MAP4K2: variants seen among roughly 807,000 people sequenced by gnomAD.
The protein encoded by MAP4K2 is B lymphocyte serine/threonine protein kinase.
MAP4K2 carries 85 observed loss-of-function variants against 125.3 expected under a neutral mutation model. That is an observed-to-expected ratio of 0.68 (90% CI 0.57 to 0.81). The LOEUF (loss-of-function observed/expected upper bound fraction) is 0.81, where lower values mean the gene tolerates loss of function less well. Ranked by LOEUF, MAP4K2 falls within the 40% of genes least tolerant of loss-of-function variation. MAP4K2 has a pLI of 0.00. For missense variants in MAP4K2, 923 were observed against 1,056.4 expected (o/e 0.87, Z 1.75); for synonymous variants, 479 against 445.1 (o/e 1.08, Z -0.96).
intron 7 of MAP4K2, 54 bp downstream of exon 7, chr11:64,801,525 A>C: frequency 8.1e-6 from 13 of 1,598,612 alleles, no homozygotes; most frequent in Non-Finnish European, 1.1e-5. Context: ...AGTCCAGGGT[A>C]GCCGGGGAGG....
At chr11:64,793,965 G>A (rs1036945291) in intron 24 of MAP4K2, among the ~76,000 whole-genome samples, 1 of 152,148 alleles carries the variant, frequency 6.6e-6, no homozygotes, top group Non-Finnish European at 1.5e-5. Flanking sequence ...GAGTGAGCAC[G>A]TTGCAGGAAG....
chr11:64,790,409 G>C lies in MAP4K2; in HGVS notation c.2146C>G (p.Leu716Val), dbSNP rs758137477. The stretch of plus-strand genomic sequence containing the variant: ...GGGCACTCACGTTCAAAGCTGACTA[G>C]GATTGTGTCCCTGTCCACCTGGATC... ...QVIQVDRDTI[L>V]VSFERCVRIV... The change falls in exon 28 of 32, where the codon CTA becomes GTA. Residue 716 changes from leucine (L) to valine (V), a missense_variant. Around this residue, in one of 2 missense-constraint regions of MAP4K2, gnomAD observed 90 missense variants for 144.9 expected, o/e 0.62. Transcript: ENST00000294066. The C allele has an allele frequency of 6.2e-7, 1 of 1,614,148 alleles. No homozygotes were observed. The highest frequency in any genetic ancestry group is 8.5e-7 in the Non-Finnish European group (1 of 1,180,022).
rs1282398768 is a variant in MAP4K2 at position 64,800,218 on chromosome 11, T to C, written c.808-2A>G. 2.5e-6 allele frequency: 4 copies of C among 1,612,908 alleles called. No homozygotes were observed. The highest frequency in any genetic ancestry group is 3.4e-6 in the Non-Finnish European group (4 of 1,179,838). On this transcript the variant is annotated splice_acceptor_variant, in intron 11 of 31. Transcript: ENST00000294066. LOFTEE classifies it high-confidence loss of function. ...GAGCTGCTGAGTCGTGAACGGGTGCTGGAAAGTGGGGGAGGGGGGTGATCA... is the reference window on the plus strand; with the variant it reads ...GAGCTGCTGAGTCGTGAACGGGTGCCGGAAAGTGGGGGAGGGGGGTGATCA...
intron 24 of MAP4K2, among the ~76,000 whole-genome samples, chr11:64,793,894 G>A (rs1263629130): frequency 6.6e-6 from 1 of 152,210 alleles, no homozygotes; most frequent in Non-Finnish European, 1.5e-5. Context: ...CGCCAAAGCA[G>A]ACTCACTTGG....
intron 27 of MAP4K2, 26 bp from the exon 28 acceptor site, chr11:64,790,488 C>T (rs1294731337): frequency 5.6e-6 from 9 of 1,609,810 alleles, no homozygotes; most frequent in South Asian, 3.3e-5. Flanking sequence ...AGAGACATGG[C>T]CTGGCTGAGC....
chr11:64,787,105 C>G lies in MAP4K2; in HGVS notation c.*2432G>C, dbSNP rs1379214755. 2 of 150,152 alleles carry G rather than the reference C, an allele frequency of 1.3e-5. No homozygotes were observed. The highest frequency in any genetic ancestry group is 2.9e-5 in the Non-Finnish European group (2 of 67,828). 9.3% of individuals were successfully genotyped at this position (150,152 alleles called of 1,614,324 possible). On this transcript the variant is annotated 3_prime_UTR_variant, in exon 32 of 32. Transcript: ENST00000294066. ...AGTGCAGTGGCATGTTCTAGGCTCACTGCAACCTCCGCCTCCCAGGTTCAA... is the reference window on the plus strand; with the variant it reads ...AGTGCAGTGGCATGTTCTAGGCTCAGTGCAACCTCCGCCTCCCAGGTTCAA...
intron 11 of MAP4K2, 46 bp downstream of exon 11, chr11:64,800,265 C>G: frequency 6.2e-7 from 1 of 1,612,954 alleles, no homozygotes; most frequent in South Asian, 1.1e-5. Flanking sequence ...GATCCAGGGC[C>G]CTGCTTTTGA....
At position 64,789,869 on chromosome 11, in the gene MAP4K2, G is replaced by C; in HGVS notation, c.2319+20C>G. ...GGGACCACAAGGCAGGGGACAGCAA[G>C]GTCCCTGGGCCCCACTCACCTCATT... is the stretch of plus-strand genomic sequence containing the variant. On this transcript the variant is annotated intron_variant, in intron 30 of 31. Coordinates refer to ENST00000294066, the MANE Select transcript of MAP4K2 (RefSeq NM_004579.5). The C allele has an allele frequency of 6.2e-7, 1 of 1,613,996 alleles. No homozygotes were observed. The highest frequency in any genetic ancestry group is 8.5e-7 in the Non-Finnish European group (1 of 1,179,966).
rs17854520 is a variant in MAP4K2, at chr11:64,792,268, G to T, written c.1818C>A (p.Asn606Lys). The change falls in exon 26 of 32, where the codon AAC becomes AAA. Residue 606 changes from asparagine (N) to lysine (K), a missense_variant. By Grantham distance (94) the Asn-to-Lys change is moderately conservative. Coordinates refer to ENST00000294066, the MANE Select transcript of MAP4K2 (RefSeq NM_004579.5). Reference protein sequence around the residue: ...KGCLQCRVVRNPYTGATFLLA... With the variant: ...KGCLQCRVVRKPYTGATFLLA... ...GCAGGAAGGTGGCACCCGTGTAGGG[G>T]TTCCGCACTGGCAGGGGAGCAGGCA... 6.2e-7 allele frequency: 1 copy of T among 1,609,674 alleles called. No individual in the cohort carries two copies. Among genetic ancestry groups the T allele is most frequent in the Non-Finnish European group, 8.5e-7 (1 of 1,178,732 alleles).
chr11:64,802,967 G>A (rs556781886), intron 1 of MAP4K2, 25 bp from the exon 2 acceptor site: 309 of 1,554,124 alleles, frequency 2.0e-4, no homozygotes, highest in East Asian at 8.1e-4. Context: ...GGTGAAGCGG[G>A]ATGGGGGGCG....
At position 64,797,069 on chromosome 11, in the gene MAP4K2, G is replaced by A. The variant is rs71456325; in HGVS notation, c.1365+35C>T. The A allele has an allele frequency of 5.8e-3, 9,303 of 1,614,060 alleles. 41 individuals carry two copies. The highest frequency in any genetic ancestry group is 6.8e-3 in the Non-Finnish European group (8,015 of 1,179,978). On this transcript the variant is annotated intron_variant, in intron 19 of 31. Transcript: ENST00000294066. The stretch of plus-strand genomic sequence containing the variant: ...CAGGGCTGATATGACAGCTGTAGCC[G>A]CCCGTCTCCCCACCCCACTGTAGCA...
chr11:64,799,379 C>T, intron 14 of MAP4K2, 42 bp downstream of exon 14: 1 of 1,605,234 alleles, frequency 6.2e-7, no homozygotes, highest in Non-Finnish European at 8.5e-7. Flanking sequence ...CTCCCTGCCC[C>T]ACCTCTGGGC....
At chr11:64,794,626 G>T (rs574263930) in intron 24 of MAP4K2, among the ~76,000 whole-genome samples, 1 of 152,036 alleles carries the variant, frequency 6.6e-6, no homozygotes. Context: ...CCCAAAGTGC[G>T]GGATTACAGG....
rs1055889128 is a variant in MAP4K2, at chr11:64,787,025, T to A, written c.*2512A>T. The A allele has an allele frequency of 1.9e-5, 2 of 102,714 alleles. No homozygotes were observed. Among genetic ancestry groups the A allele is most frequent in the Non-Finnish European group, 1.9e-5 (1 of 53,524 alleles). 6.4% of individuals were successfully genotyped at this position (102,714 alleles called of 1,614,324 possible). ...CATATTCTCCAGGATATATATATAT[T>A]TTTTTCTCTTTTTTTTTTTTTTGAG... is the stretch of plus-strand genomic sequence containing the variant. On this transcript the variant is annotated 3_prime_UTR_variant, in exon 32 of 32. Coordinates refer to ENST00000294066, the MANE Select transcript of MAP4K2 (RefSeq NM_004579.5).
At chr11:64,796,118 TGG>T (rs1471836374) in intron 24 of MAP4K2, among the ~76,000 whole-genome samples, 153 bp downstream of exon 24, 1 of 151,496 alleles carries the variant, frequency 6.6e-6, no homozygotes, top group East Asian at 1.9e-4. Context: ...CGGGAGGGGG[TGG>T]GAAGGCCATC....
Position 64,791,621 on chromosome 11 carries a change from T to C in MAP4K2, c.2092+288A>G, listed in dbSNP as rs572917506. ...CATGAGCTCAAGCCCCTCTCTCTCC[T>C]TGGCCTCCCAAAATGCTGGGATTAC... On this transcript the variant is annotated intron_variant, in intron 27 of 31. Coordinates refer to ENST00000294066, the MANE Select transcript of MAP4K2 (RefSeq NM_004579.5). Among the ~76,000 whole-genome samples, 4 of 152,352 alleles carry C rather than the reference T, an allele frequency of 2.6e-5. No homozygotes were observed. In the South Asian group the frequency reaches 8.3e-4, roughly 32 times the overall value.
chr11:64,796,170 C>G, intron 24 of MAP4K2, 103 bp downstream of exon 24: 1 of 1,063,856 alleles, frequency 9.4e-7, no homozygotes, highest in Non-Finnish European at 1.3e-6. Context: ...CTCAGAGAGA[C>G]AACACGTCTA....
At position 64,789,912 on chromosome 11, in the gene MAP4K2, C is replaced by T; in HGVS notation, c.2296G>A (p.Gly766Ser). Residue 766 changes from glycine (G) to serine (S), a missense_variant, in exon 30 of 32, where the codon GGC becomes AGC. Physicochemically the swap from Gly to Ser is moderately conservative, Grantham distance 56 (BLOSUM62 0). Transcript: ENST00000294066. Reference protein sequence around the residue: ...VLAFWSHGMQGRSLDTNEVTQ... With the variant: ...VLAFWSHGMQSRSLDTNEVTQ... ...ACCTCATTGGTATCCAGGCTTCGGC[C>T]TTGCATCCCATGGCTCCAGAAGGCC... 1 of 1,613,942 alleles carries T rather than the reference C, an allele frequency of 6.2e-7. No individual in the cohort carries two copies. The highest frequency in any genetic ancestry group is 1.1e-5 in the South Asian group (1 of 91,088).
chr11:64,803,201 G>T lies in MAP4K2; in HGVS notation c.-52C>A. The T allele has an allele frequency of 1.4e-6, 1 of 713,588 alleles. No homozygotes were observed. Among genetic ancestry groups the T allele is most frequent in the Non-Finnish European group, 1.7e-6 (1 of 584,734 alleles). 44.2% of individuals were successfully genotyped at this position (713,588 alleles called of 1,614,324 possible). A position where few individuals can be genotyped will look rare whatever the true frequency, so the allele number is the denominator to read the frequency against. On this transcript the variant is annotated 5_prime_UTR_variant, in exon 1 of 32. Coordinates refer to ENST00000294066, the MANE Select transcript of MAP4K2 (RefSeq NM_004579.5). ...CGGGCGGGCGCGAGCTGCGGAGCCG[G>T]CGCGGGGCGGCGCGGGGCGGGGCGG...
Sources: gnomAD v4.1 joint callset for allele counts (sites outside exome capture counted in the v4.1 genomes callset) on GRCh38, gnomAD v4.1.1 for gene constraint, gnomAD v4.1.1 regional missense constraint, MANE v1.5 for transcripts, NCBI Gene and HGNC (gene_info 2026-07-23, HGNC 2026-07-21) for gene names.